NEBL: variants seen among roughly 807,000 people sequenced by gnomAD.
The protein encoded by NEBL is nebulette.
Under a neutral mutation model 140.2 loss-of-function variants are expected in NEBL, and 122 were observed. The observed-to-expected ratio is 0.87, with a 90% CI of 0.75 to 1.01. The LOEUF (loss-of-function observed/expected upper bound fraction) is 1.01, where lower values mean the gene tolerates loss of function less well. Among genes scored for constraint, NEBL ranks in the 50% least tolerant of loss-of-function variants. NEBL has a pLI of 0.00. For missense variants in NEBL, 1,365 were observed against 1,231.3 expected (o/e 1.11, Z -1.62); for synonymous variants, 436 against 398.9 (o/e 1.09, Z -1.11).
chr10:20,986,742 T>C (rs1837271997), intron 3 of NEBL, among the ~76,000 whole-genome samples: 1 of 152,240 alleles, frequency 6.6e-6, no homozygotes, highest in Non-Finnish European at 1.5e-5. Flanking sequence ...TTGTTTTCTC[T>C]TGAGTATGAA....
chr10:20,929,826 T>C (rs912804450), intron 4 of NEBL, among the ~76,000 whole-genome samples: 4 of 152,162 alleles, frequency 2.6e-5, no homozygotes, highest in African/African-American at 9.7e-5. Context: ...CAGTGTATAC[T>C]ATTGGGGTGA....
chr10:20,916,871 T>C (rs1848578872), intron 4 of NEBL, among the ~76,000 whole-genome samples: 1 of 152,204 alleles, frequency 6.6e-6, no homozygotes, highest in Admixed American at 6.5e-5. Context: ...AGTCCTGCAG[T>C]GTATTGACAT....
chr10:20,819,114 C>G, intron 20 of NEBL: 1 of 975,232 alleles, frequency 1.0e-6, no homozygotes, highest in African/African-American at 1.7e-5. Flanking sequence ...GTTTGTTACA[C>G]AGGTGAACTT....
exon 4 of NEBL, chr10:20,961,738 G>T: frequency 6.2e-7 from 1 of 1,613,852 alleles, no homozygotes; most frequent in East Asian, 2.2e-5. Context: ...CGATGCTGAA[G>T]CCCCTCCCTT....
chr10:21,044,500 G>A (rs35138083), intron 2 of NEBL, among the ~76,000 whole-genome samples: 1 of 138,260 alleles, frequency 7.2e-6, no homozygotes, highest in South Asian at 2.5e-4. Flanking sequence ...GTACACTTCA[G>A]AACATATCCT....
chr10:21,043,861 T>C (rs764843798), intron 2 of NEBL, among the ~76,000 whole-genome samples: 3 of 152,204 alleles, frequency 2.0e-5, no homozygotes, highest in South Asian at 2.1e-4. Context: ...TTATCTATTA[T>C]AAAATTTAAA....
chr10:20,902,323 G>A (rs943523850), intron 4 of NEBL, among the ~76,000 whole-genome samples: 8 of 151,822 alleles, frequency 5.3e-5, no homozygotes, highest in South Asian at 2.1e-4. Flanking sequence ...GGAGAATGGC[G>A]TGAACCTGGG....
At position 20,780,054 on chromosome 10, in the gene NEBL, G is replaced by C. The variant is rs541001521; in HGVS notation, c.*5693C>G. 5.3e-5 allele frequency: 8 copies of C among 152,158 alleles called. No individual in the cohort carries two copies. The highest frequency in any genetic ancestry group is 7.3e-5 in the Non-Finnish European group (5 of 68,036). 9.4% of individuals were successfully genotyped at this position (152,158 alleles called of 1,614,324 possible). ...CAATTAGGAAGGATTATGAGCCAAA[G>C]AGAAAGTTTTACAAAATAATACAAT... is the stretch of plus-strand genomic sequence containing the variant. On this transcript the variant is annotated 3_prime_UTR_variant, in exon 28 of 28. Coordinates refer to ENST00000377122, the MANE Select transcript of NEBL (RefSeq NM_006393.3).
intron 3 of NEBL, among the ~76,000 whole-genome samples, chr10:21,201,326 G>C (rs1473909557): frequency 6.6e-6 from 1 of 152,206 alleles, no homozygotes; most frequent in Non-Finnish European, 1.5e-5. Flanking sequence ...TTCTTACATG[G>C]TGGCCAGAAC....
intron 3 of NEBL, among the ~76,000 whole-genome samples, chr10:20,980,315 A>AG (rs1000204273): frequency 7.0e-6 from 1 of 143,534 alleles, no homozygotes; most frequent in African/African-American, 2.9e-5. Context: ...AACATAAAAA[A>AG]GTTTTTTTTG....
intron 2 of NEBL, among the ~76,000 whole-genome samples, chr10:21,144,734 G>T (rs1182892730): frequency 6.6e-6 from 1 of 151,016 alleles, no homozygotes; most frequent in East Asian, 1.9e-4. Context: ...CTCAAAAAAT[G>T]AAAAAAGAAA....
At chr10:21,242,581 C>A (rs937986567) in intron 3 of NEBL, among the ~76,000 whole-genome samples, 9 of 152,068 alleles carry the variant, frequency 5.9e-5, no homozygotes, top group African/African-American at 1.4e-4. Context: ...TAAAACAAAC[C>A]TGCACATGTA....
intron 4 of NEBL, among the ~76,000 whole-genome samples, chr10:20,957,245 C>T (rs116782704): frequency 0.022 from 3,298 of 152,066 alleles, 113 homozygotes; most frequent in African/African-American, 0.075. Flanking sequence ...CAGCAGTATC[C>T]GTGTGAGCTT....
chr10:21,167,685 T>C (rs746506002), intron 2 of NEBL, among the ~76,000 whole-genome samples: 2 of 152,242 alleles, frequency 1.3e-5, no homozygotes, highest in Non-Finnish European at 2.9e-5. Context: ...TGACAAATGG[T>C]CTTAGGGTTT....
At chr10:20,979,699 T>C (rs555701240) in intron 3 of NEBL, among the ~76,000 whole-genome samples, 27 of 152,142 alleles carry the variant, frequency 1.8e-4, no homozygotes, top group Admixed American at 3.3e-4. Context: ...CAGTTTTTTT[T>C]AATTCATTTA....
intron 3 of NEBL, among the ~76,000 whole-genome samples, chr10:21,183,956 C>T (rs1029912461): frequency 2.2e-4 from 34 of 152,270 alleles, no homozygotes; most frequent in South Asian, 1.0e-3. Flanking sequence ...TCTTTTCTGC[C>T]GCCATGTGAG....
chr10:20,830,280 A>G (rs1163245658), intron 16 of NEBL, among the ~76,000 whole-genome samples: 1 of 152,240 alleles, frequency 6.6e-6, no homozygotes, highest in Non-Finnish European at 1.5e-5. Context: ...AACTCCATTA[A>G]TCAAATTAAA....
At chr10:21,146,609 G>A (rs1839907297) in intron 2 of NEBL, 2 of 813,806 alleles carry the variant, frequency 2.5e-6, no homozygotes, top group Admixed American at 4.9e-5. Flanking sequence ...AGCAACCGTT[G>A]CTTAGTAACA....
Position 21,173,665 on chromosome 10 carries a change from G to A in NEBL, c.69+100C>T. On this transcript the variant is annotated intron_variant, in intron 1 of 6. Transcript: ENST00000417816. This position sits in a 1 kb window ranked among gnomAD's most constrained non-coding sequence, Gnocchi z 5.7. ...GTGCCAAGGCACACGCACACGCACC[G>A]ACCCACTCATTGCTTTCCATCCCAG... 4 of 1,580,634 alleles carry A rather than the reference G, an allele frequency of 2.5e-6. No individual in the cohort carries two copies. The East Asian group carries it at 9.0e-5, about 36-fold the overall frequency.
Sources: allele counts gnomAD v4.1 joint callset (sites outside exome capture counted in the v4.1 genomes callset), GRCh38; gene constraint gnomAD v4.1.1; non-coding constraint Gnocchi (gnomAD v3.1); transcripts MANE v1.5; gene names NCBI Gene and HGNC (gene_info 2026-07-23, HGNC 2026-07-21).